The following SPATA6 variants were observed in gnomAD, a reference collection of about 807,000 sequenced individuals.
SPATA6 encodes spermatogenesis associated 6, also known as spermatogenesis-associated protein 6.
In SPATA6, 56 loss-of-function variants were observed where a neutral mutation model predicts 65.3. The ratio of observed to expected loss-of-function variants is 0.86; its 90% CI spans 0.69 to 1.07. The LOEUF is 1.07. Among genes scored for constraint, SPATA6 ranks in the 50% least tolerant of loss-of-function variants. The pLI is 0.00. For synonymous variants in SPATA6, 199 were observed against 213.2 expected, an observed-to-expected ratio of 0.93 and a Z score of 0.58; for missense variants, 590 against 594.8, an observed-to-expected ratio of 0.99 and a Z score of 0.08.
intron 11 of SPATA6, among the ~76,000 whole-genome samples, chr1:48,313,473 C>A (rs561027748): frequency 6.6e-5 from 10 of 152,074 alleles, no homozygotes; most frequent in African/African-American, 2.4e-4. Flanking sequence ...GAAATAAAAT[C>A]CTTTACAGAC....
chr1:48,357,034 T>A (rs907405187), intron 10 of SPATA6, among the ~76,000 whole-genome samples: 7 of 152,186 alleles, frequency 4.6e-5, no homozygotes, highest in Admixed American at 6.6e-5. Flanking sequence ...ACTATGCAGC[T>A]CTGAGAATCC....
At position 48,399,895 on chromosome 1, in the gene SPATA6, A is replaced by G. The variant is rs1177751824; in HGVS notation, c.487-251T>C. ...CCAACAAGGACTTTATAAAAATTAA[A>G]GCCCGATACTTAATCACTTGAAAAA... On this transcript the variant is annotated intron_variant, in intron 6 of 12. Coordinates refer to ENST00000371847, the MANE Select transcript of SPATA6 (RefSeq NM_019073.4). 3.3e-5 allele frequency among the ~76,000 whole-genome samples: 5 copies of G among 152,058 alleles called. No individual in the cohort carries two copies. The East Asian group carries it at 9.6e-4, about 29-fold the overall frequency.
chr1:48,324,275 A>G (rs1228044007), intron 11 of SPATA6, among the ~76,000 whole-genome samples: 1 of 152,186 alleles, frequency 6.6e-6, no homozygotes, highest in Non-Finnish European at 1.5e-5. Context: ...CATTGGAAGT[A>G]GAACTAATAC....
At chr1:48,387,064 T>C (rs978859301) in intron 8 of SPATA6, among the ~76,000 whole-genome samples, 1 of 152,198 alleles carries the variant, frequency 6.6e-6, no homozygotes, top group African/African-American at 2.4e-5. Flanking sequence ...CTCACAATCA[T>C]GGCAGAAGGC....
intron 1 of SPATA6, among the ~76,000 whole-genome samples, chr1:48,468,259 T>C (rs80203433): frequency 0.018 from 2,678 of 152,310 alleles, 75 homozygotes; most frequent in African/African-American, 0.062. Context: ...ATGGATTACT[T>C]TGCCAGTACT....
chr1:48,325,311 C>G, intron 11 of SPATA6: 1 of 1,171,400 alleles, frequency 8.5e-7, no homozygotes, highest in East Asian at 2.4e-5. Flanking sequence ...GCCTGCTTCA[C>G]TGTGTGTAGG....
chr1:48,433,999 T>A (rs1203662306), intron 3 of SPATA6, among the ~76,000 whole-genome samples: 1 of 152,146 alleles, frequency 6.6e-6, no homozygotes, highest in Non-Finnish European at 1.5e-5. Flanking sequence ...ATAAATATCA[T>A]ATCTTCTCTT....
chr1:48,318,515 C>A (rs966746016), intron 11 of SPATA6, among the ~76,000 whole-genome samples: 4 of 152,062 alleles, frequency 2.6e-5, no homozygotes, highest in African/African-American at 9.6e-5. Flanking sequence ...GGAAACAATA[C>A]CATGTAAAAT....
chr1:48,325,465 G>C (rs564854575), intron 11 of SPATA6: 2 of 1,204,804 alleles, frequency 1.7e-6, no homozygotes, highest in South Asian at 1.2e-5. Context: ...TTCCTGAATC[G>C]ACAAACTGAG....
chr1:48,281,425 C>T, the SPATA6 span, among the ~76,000 whole-genome samples: 2 of 152,088 alleles, frequency 1.3e-5, no homozygotes, highest in African/African-American at 4.8e-5. Context: ...GATTATATAT[C>T]TAGAAAACGC....
chr1:48,384,355 A>ACAGG (rs1649198617), intron 9 of SPATA6, among the ~76,000 whole-genome samples: 2 of 1,318 alleles, frequency 1.5e-3, no homozygotes, highest in African/African-American at 3.2e-3. Context: ...AGGGACAGGG[A>ACAGG]GAGGGAGAGG....
At chr1:48,316,067 C>T (rs149020444) in intron 11 of SPATA6, among the ~76,000 whole-genome samples, 3,817 of 152,184 alleles carry the variant, frequency 0.025, 101 homozygotes, top group African/African-American at 0.068. Context: ...TCCATGCTCA[C>T]GGGTAGGAAG....
intron 1 of SPATA6, among the ~76,000 whole-genome samples, chr1:48,470,142 C>A (rs886602241): frequency 2.6e-5 from 4 of 152,190 alleles, no homozygotes; most frequent in Non-Finnish European, 4.4e-5. Context: ...CAGTCATTCA[C>A]TTTTCTGCAA....
intron 6 of SPATA6, chr1:48,400,945 G>A (rs745660704): frequency 3.2e-5 from 17 of 536,784 alleles, no homozygotes; most frequent in Non-Finnish European, 4.0e-5. Flanking sequence ...GTCAGCACTA[G>A]AAATGATCTT....
chr1:48,365,496 C>T (rs1167141730), intron 9 of SPATA6, among the ~76,000 whole-genome samples: 43 of 147,896 alleles, frequency 2.9e-4, no homozygotes, highest in South Asian at 6.5e-4. Context: ...TTATAGTTCT[C>T]CTTGAAGAGG....
intron 5 of SPATA6, among the ~76,000 whole-genome samples, chr1:48,410,721 G>A (rs965631463): frequency 6.6e-6 from 1 of 152,120 alleles, no homozygotes; most frequent in African/African-American, 2.4e-5. Flanking sequence ...TGTGCAGCAG[G>A]AAATGTCAAA....
the SPATA6 span, chr1:48,263,047 G>T: frequency 6.6e-6 from 1 of 152,036 alleles, no homozygotes; most frequent in South Asian, 2.1e-4. Context: ...AAGAATGACA[G>T]GTAATCTCTA....
At chr1:48,469,498 A>G (rs1425975112) in intron 1 of SPATA6, among the ~76,000 whole-genome samples, 1 of 130,814 alleles carries the variant, frequency 7.6e-6, no homozygotes, top group East Asian at 2.3e-4. Flanking sequence ...ATATATATAT[A>G]TGTTGTGTGG....
chr1:48,345,361 A>G (rs1206909877), intron 11 of SPATA6, among the ~76,000 whole-genome samples: 1 of 152,186 alleles, frequency 6.6e-6, no homozygotes, highest in Non-Finnish European at 1.5e-5. Context: ...AGGTAAATTT[A>G]TAGAACTAGA....
Sources: allele counts gnomAD v4.1 joint callset (sites outside exome capture counted in the v4.1 genomes callset), GRCh38; gene constraint gnomAD v4.1.1; transcripts MANE v1.5; gene names NCBI Gene and HGNC (gene_info 2026-07-23, HGNC 2026-07-21).